The following PPM1F variants were observed in gnomAD, a reference collection of about 807,000 sequenced individuals.
PPM1F encodes protein phosphatase 1F.
Under a neutral mutation model 35.5 loss-of-function variants are expected in PPM1F, and 17 were observed. That is an observed-to-expected ratio of 0.48 (90% CI 0.33 to 0.72). The LOEUF (loss-of-function observed/expected upper bound fraction) is 0.72. PPM1F is among the 30% of genes least tolerant of loss of function. PPM1F has a pLI of 0.02. For missense variants in PPM1F, 521 were observed against 613.0 expected (o/e 0.85, Z 1.59); for synonymous variants, 241 against 255.5 (o/e 0.94, Z 0.54).
chr22:21,926,575 T>G (rs763246454), intron 6 of PPM1F, among the ~76,000 whole-genome samples: 3 of 152,132 alleles, frequency 2.0e-5, no homozygotes, highest in Admixed American at 6.5e-5. Context: ...TCTTTGGTCC[T>G]ATCAGCCTCT....
At chr22:21,936,332 C>T (rs553919477) in intron 3 of PPM1F, 1 of 151,958 alleles carries the variant, frequency 6.6e-6, no homozygotes, top group Admixed American at 6.5e-5. Context: ...GGGAACAGCA[C>T]ACAACCAAGG....
At chr22:21,925,267 G>A (rs923750767) in intron 7 of PPM1F, 7 of 410,680 alleles carry the variant, frequency 1.7e-5, no homozygotes, top group South Asian at 1.1e-4. Context: ...CCTCATTTCC[G>A]GAATATTGGA....
chr22:21,952,652 G>C (rs2070853309), intron 1 of PPM1F, 140 bp downstream of exon 1: 1 of 151,148 alleles, frequency 6.6e-6, no homozygotes, highest in African/African-American at 2.5e-5. Context: ...GCCTCGTCTC[G>C]GCCTCCTTGC....
At chr22:21,941,488 A>C (rs1410529101) in intron 2 of PPM1F, 1 of 152,332 alleles carries the variant, frequency 6.6e-6, no homozygotes, top group Non-Finnish European at 1.5e-5. Context: ...AGAGTCAGGC[A>C]GGGGATGGGC....
At chr22:21,935,990 C>G (rs1161615013) in intron 3 of PPM1F, 2 of 152,142 alleles carry the variant, frequency 1.3e-5, no homozygotes, top group Non-Finnish European at 2.9e-5. Flanking sequence ...GAGCGAAACT[C>G]AGTCGCAAAT....
intron 1 of PPM1F, chr22:21,951,050 C>T (rs765060149): frequency 6.6e-6 from 1 of 151,928 alleles, no homozygotes; most frequent in Non-Finnish European, 1.5e-5. Flanking sequence ...GTAAAATATA[C>T]ACACTATGTA....
chr22:21,948,561 G>A (rs2070802534), intron 1 of PPM1F: 2 of 152,300 alleles, frequency 1.3e-5, no homozygotes, highest in Non-Finnish European at 2.9e-5. Context: ...CCCTCAAGCA[G>A]TGCAAGCGGC....
intron 2 of PPM1F, chr22:21,940,988 C>T (rs1182988057): frequency 6.6e-6 from 1 of 152,264 alleles, no homozygotes; most frequent in African/African-American, 2.4e-5. Flanking sequence ...AGCCTCAAAC[C>T]CCTGGGCTCA....
intron 7 of PPM1F, among the ~76,000 whole-genome samples, chr22:21,923,680 C>A (rs576889222): frequency 2.5e-3 from 377 of 152,018 alleles, no homozygotes; most frequent in African/African-American, 8.9e-3. Flanking sequence ...TGAGCTCCCC[C>A]TTTTTTTCTT....
intron 6 of PPM1F, among the ~76,000 whole-genome samples, chr22:21,926,510 G>A (rs905428153): frequency 5.3e-5 from 8 of 152,040 alleles, no homozygotes; most frequent in African/African-American, 1.9e-4. Context: ...CCCAGGCCTG[G>A]GTTCCTCCAG....
intron 3 of PPM1F, chr22:21,938,717 C>T: frequency 1.8e-6 from 1 of 543,996 alleles, no homozygotes; most frequent in Non-Finnish European, 2.4e-6. Flanking sequence ...GACGTTGCTA[C>T]CCCCTTGTGG....
Position 21,939,783 on chromosome 22 carries a change from C to A in PPM1F, c.207-103G>T. 7.2e-7 allele frequency: 1 copy of A among 1,380,234 alleles called. No homozygotes were observed. Among genetic ancestry groups the A allele is most frequent in the South Asian group, 1.3e-5 (1 of 75,202 alleles). 85.5% of individuals were successfully genotyped at this position (1,380,234 alleles called of 1,614,324 possible). On this transcript the variant is annotated intron_variant, in intron 2 of 7. Coordinates refer to ENST00000263212, the MANE Select transcript of PPM1F (RefSeq NM_014634.4). This position sits in a 1 kb window ranked among gnomAD's most constrained non-coding sequence, Gnocchi z 5.1. Reference sequence around the variant, plus strand: ...CCACATGCTGAGGGGTCACGGCCAGCAGGGCGGCCCCTGTCCTCAGGGAGC... The same window carrying A: ...CCACATGCTGAGGGGTCACGGCCAGAAGGGCGGCCCCTGTCCTCAGGGAGC...
chr22:21,943,572 A>C (rs1172431305), intron 2 of PPM1F: 1 of 152,324 alleles, frequency 6.6e-6, no homozygotes, highest in African/African-American at 2.4e-5. Flanking sequence ...CTCTCGCATC[A>C]AAACCAAAAC....
At chr22:21,941,195 T>G (rs2070721750) in intron 2 of PPM1F, 1 of 152,420 alleles carries the variant, frequency 6.6e-6, no homozygotes, top group Admixed American at 6.5e-5. Context: ...GATAATGGCG[T>G]GAGCCGCCAC....
At chr22:21,943,672 C>T (rs2070748541) in intron 2 of PPM1F, 1 of 152,718 alleles carries the variant, frequency 6.5e-6, no homozygotes, top group Non-Finnish European at 1.5e-5. Flanking sequence ...CTACTCACTC[C>T]TCAGCCCTCC....
chr22:21,934,329 C>T (rs1356444686), intron 3 of PPM1F, 103 bp from the exon 4 acceptor site: 3 of 908,636 alleles, frequency 3.3e-6, no homozygotes, highest in Non-Finnish European at 5.0e-6. Flanking sequence ...AAGCCCCCAT[C>T]ACCTCCCGGG....
intron 6 of PPM1F, among the ~76,000 whole-genome samples, chr22:21,928,071 G>A (rs1259439705): frequency 4.2e-5 from 6 of 141,594 alleles, no homozygotes. Context: ...TCCTGCCTTC[G>A]CCTCCCGACT....
At chr22:21,933,957 C>A in intron 4 of PPM1F, 67 bp downstream of exon 4, 1 of 1,457,318 alleles carries the variant, frequency 6.9e-7, no homozygotes. Context: ...TTCTCGGTAC[C>A]TGGGGGGCCC....
At chr22:21,938,157 C>CGA (rs1157444090) in intron 3 of PPM1F, 3 of 1,303,006 alleles carry the variant, frequency 2.3e-6, no homozygotes, top group Non-Finnish European at 3.0e-6. Context: ...GCAGGAGCCC[C>CGA]GAGCGTAGGA....
Sources: gnomAD v4.1 joint callset for allele counts (sites outside exome capture counted in the v4.1 genomes callset) on GRCh38, gnomAD v4.1.1 for gene constraint, Gnocchi (gnomAD v3.1) non-coding constraint, MANE v1.5 for transcripts, NCBI Gene and HGNC (gene_info 2026-07-23, HGNC 2026-07-21) for gene names.